The following SUGT1 variants were observed in gnomAD, a reference collection of about 807,000 sequenced individuals.
SUGT1 encodes SGT1 assembly cochaperone of MIS12 kinetochore complex.
SUGT1 carries 15 observed loss-of-function variants against 56.1 expected under a neutral mutation model. That is an observed-to-expected ratio of 0.27 (90% CI 0.18 to 0.41). The LOEUF (loss-of-function observed/expected upper bound fraction) is 0.41. Among genes scored for constraint, SUGT1 ranks in the 10% least tolerant of loss-of-function variants. The pLI is 1.00. For synonymous variants in SUGT1, 123 were observed against 128.6 expected (o/e 0.96, Z 0.30); for missense variants, 347 against 382.2 (o/e 0.91, Z 0.77).
At chr13:52,687,680 T>C in intron 12 of SUGT1, 54 bp from the exon 13 acceptor site, 5 of 1,393,434 alleles carry the variant, frequency 3.6e-6, no homozygotes, top group South Asian at 3.0e-5. Context: ...AAGAAAAATA[T>C]TCTATTTTGA....
Position 52,687,881 on chromosome 13 carries a change from C to A in SUGT1, c.*46C>A. The A allele has an allele frequency of 7.8e-7, 1 of 1,283,320 alleles. No individual in the cohort carries two copies. Among genetic ancestry groups the A allele is most frequent in the East Asian group, 2.5e-5 (1 of 39,480 alleles). 79.5% of individuals were successfully genotyped at this position (1,283,320 alleles called of 1,614,324 possible). ...CGTATTGTGTATATTCACCTAATGCCCATTGTGTATTGATATTGCATTCTT... is the reference window on the plus strand; with the variant it reads ...CGTATTGTGTATATTCACCTAATGCACATTGTGTATTGATATTGCATTCTT... On this transcript the variant is annotated 3_prime_UTR_variant, in exon 13 of 13. Coordinates refer to ENST00000310528, the MANE Select transcript of SUGT1 (RefSeq NM_006704.5).
At chr13:52,682,626 G>A (rs1041793354) in intron 12 of SUGT1, among the ~76,000 whole-genome samples, 2 of 152,140 alleles carry the variant, frequency 1.3e-5, no homozygotes, top group African/African-American at 4.8e-5. Context: ...TTTTCTCATT[G>A]AATTGCTTTT....
At position 52,687,810 on chromosome 13, in the gene SUGT1, A is replaced by G; in HGVS notation, c.977A>G (p.Asp326Gly). The stretch of plus-strand genomic sequence containing the variant: ...AGGAAAGTTGAAATCAATCCTCCTG[A>G]TGATATGGAATGGAAAAAGTACTAA... ...GKRKVEINPP[D>G]DMEWKKY is the part of the protein sequence containing the mutation. Residue 326 changes from aspartate (D) to glycine (G), a missense_variant, in exon 13 of 13, where the codon GAT (aspartate) becomes GGT (glycine). Transcript: ENST00000310528. The G allele has an allele frequency of 6.2e-7, 1 of 1,601,532 alleles. No homozygotes were observed. Among genetic ancestry groups the G allele is most frequent in the Non-Finnish European group, 8.5e-7 (1 of 1,174,978 alleles).
Position 52,693,031 on chromosome 13 carries a change from A to G in SUGT1, c.*5196A>G, listed in dbSNP as rs1181113849. 4 of 152,182 alleles carry G rather than the reference A, an allele frequency of 2.6e-5. No homozygotes were observed. The highest frequency in any genetic ancestry group is 4.4e-5 in the Non-Finnish European group (3 of 68,036). 9.4% of individuals were successfully genotyped at this position (152,182 alleles called of 1,614,324 possible). A position where few individuals can be genotyped will look rare whatever the true frequency, so the allele number is the denominator to read the frequency against. ...GTTTCAAGGTTTTATTCCTACAGAC[A>G]TGTTAGGATTTGTGTATCACTGATT... is the stretch of plus-strand genomic sequence containing the variant. On this transcript the variant is annotated 3_prime_UTR_variant, in exon 13 of 13. Transcript: ENST00000310528.
chr13:52,653,475 C>T (rs781671271), intron 2 of SUGT1, among the ~76,000 whole-genome samples: 30 of 152,150 alleles, frequency 2.0e-4, no homozygotes, highest in Admixed American at 1.1e-3. Context: ...TCTTGCCATT[C>T]TTACGTAAAA....
At chr13:52,684,139 G>A (rs1027993825) in intron 12 of SUGT1, among the ~76,000 whole-genome samples, 1 of 152,002 alleles carries the variant, frequency 6.6e-6, no homozygotes, top group African/African-American at 2.4e-5. Flanking sequence ...GAGCTCAAGC[G>A]ATCCGCCCAC....
Position 52,658,415 on chromosome 13 carries a change from AAAG to A in SUGT1, c.208_210del (p.Lys70del), listed in dbSNP as rs1962265365. 6.2e-7 allele frequency: 1 copy of A among 1,613,080 alleles called. No homozygotes were observed. Among genetic ancestry groups the A allele is most frequent in the Non-Finnish European group, 8.5e-7 (1 of 1,179,694 alleles). ...TCTACACAGTTGCTGTTGCTGATGC[AAAG>A]AAGTCTCTAGAACTCAATCCAAATA... On this transcript the variant is annotated inframe_deletion, in exon 4 of 13. Transcript: ENST00000310528.
At chr13:52,664,793 G>C (rs1309036392) in intron 8 of SUGT1, among the ~76,000 whole-genome samples, 1 of 152,176 alleles carries the variant, frequency 6.6e-6, no homozygotes, top group Non-Finnish European at 1.5e-5. Context: ...AGCAGCAGGG[G>C]TAGGGCACAT....
Position 52,698,599 on chromosome 13 carries a change from A to AT in SUGT1, c.*10769dup, listed in dbSNP as rs1239747895. 1.5e-5 allele frequency: 2 copies of AT among 130,284 alleles called. No individual in the cohort carries two copies. Among genetic ancestry groups the AT allele is most frequent in the East Asian group, 2.1e-4 (1 of 4,758 alleles). 8.1% of individuals were successfully genotyped at this position (130,284 alleles called of 1,614,324 possible). On this transcript the variant is annotated 3_prime_UTR_variant, in exon 13 of 13. Transcript: ENST00000310528. ...ACTGCACTACTAGTGCACTAAGCTA[A>AT]TTTTTAAATTTTTTTTGTAGAGACA...
intron 5 of SUGT1, among the ~76,000 whole-genome samples, 180 bp from the exon 6 acceptor site, chr13:52,662,469 C>T (rs1962499515): frequency 6.6e-6 from 1 of 152,178 alleles, no homozygotes; most frequent in Non-Finnish European, 1.5e-5. Flanking sequence ...AAATGTTAAA[C>T]TATTGGTATA....
rs532940393 is a variant in SUGT1 at position 52,682,833 on chromosome 13, G to C, written c.900+2678G>C. Among the ~76,000 whole-genome samples the C allele has an allele frequency of 9.2e-5, 14 of 152,218 alleles. No individual in the cohort carries two copies. In the South Asian group the frequency reaches 2.5e-3, roughly 27 times the overall value. On this transcript the variant is annotated intron_variant, in intron 12 of 12. Coordinates refer to ENST00000310528, the MANE Select transcript of SUGT1 (RefSeq NM_006704.5). ...TCCTTTATTTTCACAATTGTTTTTA[G>C]ATATTCTAACTCATTTGTCTTTCCA...
chr13:52,685,423 A>G (rs144437691), intron 12 of SUGT1, among the ~76,000 whole-genome samples: 68 of 151,972 alleles, frequency 4.5e-4, no homozygotes, highest in African/African-American at 1.6e-3. Flanking sequence ...CCTCTGTTTC[A>G]TATGTAGCAT....
chr13:52,677,929 TC>T (rs1963214543), intron 11 of SUGT1, among the ~76,000 whole-genome samples: 1 of 152,180 alleles, frequency 6.6e-6, no homozygotes, highest in South Asian at 2.1e-4. Context: ...CCATGTTTTT[TC>T]TAAACTCAAC....
In SUGT1 at chr13:52,658,811, A is replaced by C. The variant is rs553288970; in HGVS notation, c.257+343A>C. On this transcript the variant is annotated intron_variant, in intron 4 of 12. Coordinates refer to ENST00000310528, the MANE Select transcript of SUGT1 (RefSeq NM_006704.5). ...GACTGGACAACATCCTATTCAGCAA[A>C]GCTGAATAGGCTACATTTAATGCTA... Among the ~76,000 whole-genome samples, 29 of 151,220 alleles carry C rather than the reference A, an allele frequency of 1.9e-4. No individual in the cohort carries two copies. In the East Asian group the frequency reaches 5.0e-3, roughly 26 times the overall value.
chr13:52,682,132 T>C (rs1310830617), intron 12 of SUGT1, among the ~76,000 whole-genome samples: 1 of 152,198 alleles, frequency 6.6e-6, no homozygotes, highest in Non-Finnish European at 1.5e-5. Flanking sequence ...ACTCTTTGCC[T>C]AGTCCTAGAT....
At position 52,662,705 on chromosome 13, in the gene SUGT1, A is replaced by G. The variant is rs776275281; in HGVS notation, c.382+3A>G. 3.1e-6 allele frequency: 5 copies of G among 1,613,046 alleles called. No individual in the cohort carries two copies. The highest frequency in any genetic ancestry group is 4.2e-6 in the Non-Finnish European group (5 of 1,179,596). ...AAGGTGTCAAGAAGCTCAGAATGGTATGTGGGTCTCCCTTGGTATTTGTTT... is the reference window on the plus strand; with the variant it reads ...AAGGTGTCAAGAAGCTCAGAATGGTGTGTGGGTCTCCCTTGGTATTTGTTT... On this transcript the variant is annotated splice_donor_region_variant and intron_variant, in intron 6 of 12. Coordinates refer to ENST00000310528, the MANE Select transcript of SUGT1 (RefSeq NM_006704.5).
chr13:52,657,410 C>T (rs1184032588), intron 2 of SUGT1, 122 bp from the exon 3 acceptor site: 7 of 825,232 alleles, frequency 8.5e-6, no homozygotes, highest in African/African-American at 3.5e-5. Flanking sequence ...ATATTATATC[C>T]GTGTTATCTT....
At chr13:52,686,615 G>A (rs537253950) in intron 12 of SUGT1, among the ~76,000 whole-genome samples, 2 of 152,340 alleles carry the variant, frequency 1.3e-5, no homozygotes, top group South Asian at 4.1e-4. Context: ...GGTAGAGCGT[G>A]TCGGACATGG....
At chr13:52,675,924 T>A (rs548004559) in intron 10 of SUGT1, among the ~76,000 whole-genome samples, 9 of 152,158 alleles carry the variant, frequency 5.9e-5, no homozygotes, top group Non-Finnish European at 1.3e-4. Flanking sequence ...CATGGCTAAA[T>A]GTCCCCTGGG....
Sources: gnomAD v4.1 joint callset for allele counts (sites outside exome capture counted in the v4.1 genomes callset) on GRCh38, gnomAD v4.1.1 for gene constraint, MANE v1.5 for transcripts, NCBI Gene and HGNC (gene_info 2026-07-23, HGNC 2026-07-21) for gene names.